The following TAS1R1 variants were observed in gnomAD, a reference collection of about 807,000 sequenced individuals.
TAS1R1 encodes taste 1 receptor member 1, also known as taste receptor type 1 member 1.
In TAS1R1, 31 loss-of-function variants were observed where a neutral mutation model predicts 45.8. The ratio of observed to expected loss-of-function variants is 0.68; its 90% CI spans 0.51 to 0.91. TAS1R1 has a LOEUF of 0.91. TAS1R1 is among the 40% of genes least tolerant of loss of function. The probability of loss-of-function intolerance (pLI) is 0.00; values close to 1 mark genes in which losing one functional copy is unlikely to be tolerated. For missense variants in TAS1R1, 1,051 were observed against 1,063.9 expected (o/e 0.99, Z 0.17); for synonymous variants, 437 against 448.4 (o/e 0.97, Z 0.32).
intron 1 of TAS1R1, among the ~76,000 whole-genome samples, chr1:6,564,644 C>T (rs1639844714): frequency 6.6e-6 from 1 of 152,096 alleles, no homozygotes; most frequent in African/African-American, 2.4e-5. Flanking sequence ...CGCTGAGGGA[C>T]TGATAAACCT....
chr1:6,576,538 A>G lies in TAS1R1; in HGVS notation c.1384A>G (p.Thr462Ala). 2 of 1,614,220 alleles carry G rather than the reference A, an allele frequency of 1.2e-6. 1 individual carries two copies. The highest frequency in any genetic ancestry group is 2.2e-5 in the South Asian group (2 of 91,084). Residue 462 changes from threonine to alanine, a missense_variant, in exon 4 of 6, where the codon ACC becomes GCC. Thr to Ala is a moderately conservative substitution (Grantham distance 58, BLOSUM62 0). Coordinates refer to ENST00000333172, the MANE Select transcript of TAS1R1 (RefSeq NM_138697.4). ...CTGGGACTGGAATGGACCCAAGTGG[A>G]CCTTCACGGTCCTCGGTTCCTCCAC... ...IAWDWNGPKWTFTVLGSSTWS... is the reference protein window; with the variant it reads ...IAWDWNGPKWAFTVLGSSTWS...
intron 1 of TAS1R1, among the ~76,000 whole-genome samples, chr1:6,569,064 A>G (rs1639941622): frequency 7.1e-6 from 1 of 140,772 alleles, no homozygotes; most frequent in Non-Finnish European, 1.5e-5. Flanking sequence ...AGAATGGGTA[A>G]GGGGTAGAGA....
At chr1:6,560,771 A>T (rs1639770134) in intron 1 of TAS1R1, among the ~76,000 whole-genome samples, 1 of 152,166 alleles carries the variant, frequency 6.6e-6, no homozygotes, top group Non-Finnish European at 1.5e-5. Context: ...TCACGAGGTC[A>T]GGAGATCGAG....
chr1:6,573,098 G>A (rs889230704), intron 2 of TAS1R1, among the ~76,000 whole-genome samples: 3 of 152,150 alleles, frequency 2.0e-5, no homozygotes, highest in African/African-American at 7.2e-5. Flanking sequence ...GCTTCCCCCT[G>A]ATTTTAGTCT....
In TAS1R1 at chr1:6,579,059, T is replaced by G; in HGVS notation, c.2001T>G (p.Pro667=). The G allele has an allele frequency of 6.2e-7, 1 of 1,613,338 alleles. No individual in the cohort carries two copies. Among genetic ancestry groups the G allele is most frequent in the Non-Finnish European group, 8.5e-7 (1 of 1,179,316 alleles). The change falls in exon 6 of 6, where the codon CCT becomes CCG. Residue 667 remains proline (P), a synonymous_variant. Coordinates refer to ENST00000333172, the MANE Select transcript of TAS1R1 (RefSeq NM_138697.4). ...TCTTCAAGTTTTCCACCAAGGTACC[T>G]ACATTCTACCACGCCTGGGTCCAAA... ...IIIFKFSTKV[P]TFYHAWVQNH...
At chr1:6,573,701 C>T (rs865959494) in intron 2 of TAS1R1, among the ~76,000 whole-genome samples, 16 of 151,866 alleles carry the variant, frequency 1.1e-4, no homozygotes, top group South Asian at 8.3e-4. Flanking sequence ...TTCGCTCTGT[C>T]GCCCAGGCTG....
intron 1 of TAS1R1, among the ~76,000 whole-genome samples, chr1:6,559,531 C>T (rs961836611): frequency 2.6e-5 from 4 of 151,450 alleles, no homozygotes; most frequent in East Asian, 2.0e-4. Context: ...TGGTGGTAGG[C>T]GCCTGTAATC....
chr1:6,575,919 C>A (rs1640160170), intron 3 of TAS1R1, among the ~76,000 whole-genome samples: 1 of 152,152 alleles, frequency 6.6e-6, no homozygotes, highest in Non-Finnish European at 1.5e-5. Context: ...TGGTCTCAAT[C>A]TCCTGACCTT....
chr1:6,561,005 AGAG>A lies in TAS1R1; in HGVS notation c.191+5443_191+5445del, dbSNP rs1319144011. The stretch of plus-strand genomic sequence containing the variant: ...CTGTCTCAAAAAAAAAAAAAAAAAA[AGAG>A]GGGCGATGTTTATGGAGAAAGGCTG... On this transcript the variant is annotated intron_variant, in intron 1 of 5. Coordinates refer to ENST00000333172, the MANE Select transcript of TAS1R1 (RefSeq NM_138697.4). Among the ~76,000 whole-genome samples, 235 of 147,544 alleles carry A rather than the reference AGAG, an allele frequency of 1.6e-3. 1 individual carries two copies. Among genetic ancestry groups the A allele is most frequent in the African/African-American group, 5.4e-3 (212 of 38,966 alleles).
chr1:6,572,878 A>G (rs1465343505), intron 2 of TAS1R1, among the ~76,000 whole-genome samples: 2 of 152,052 alleles, frequency 1.3e-5, no homozygotes, highest in African/African-American at 4.8e-5. Context: ...CTACACAACA[A>G]AAGCCTCTTT....
intron 1 of TAS1R1, among the ~76,000 whole-genome samples, chr1:6,569,147 G>A (rs1454083641): frequency 1.4e-5 from 2 of 147,158 alleles, no homozygotes; most frequent in East Asian, 4.1e-4. Flanking sequence ...GAACGGGGAC[G>A]TAAGGTGGGG....
chr1:6,578,666 C>T lies in TAS1R1; in HGVS notation c.1608C>T (p.Cys536=). The part of the protein sequence containing the change: ...TFLNKSDLYR[C]QPCGKEEWAP... The stretch of plus-strand genomic sequence containing the variant: ...CTTCCCTTTCAGACCTCTACAGATG[C>T]CAGCCTTGTGGGAAAGAAGAGTGGG... Residue 536 remains cysteine, a synonymous_variant, in exon 6 of 6, where the codon TGC becomes TGT. Transcript: ENST00000333172. The T allele has an allele frequency of 6.3e-7, 1 of 1,581,680 alleles. No homozygotes were observed. The highest frequency in any genetic ancestry group is 2.2e-5 in the East Asian group (1 of 44,562).
chr1:6,576,645 A>G lies in TAS1R1; in HGVS notation c.1473+18A>G. On this transcript the variant is annotated intron_variant, in intron 4 of 5. Transcript: ENST00000333172. ...ACAACCAGGTAATGGGGATGTGGCT[A>G]CTCACCATGTAACTGGCTTATGGGC... The G allele has an allele frequency of 6.2e-7, 1 of 1,609,834 alleles. No homozygotes were observed. The highest frequency in any genetic ancestry group is 8.5e-7 in the Non-Finnish European group (1 of 1,177,294).
intron 5 of TAS1R1, among the ~76,000 whole-genome samples, chr1:6,577,466 C>T (rs1183646187): frequency 6.6e-6 from 1 of 151,068 alleles, no homozygotes; most frequent in Non-Finnish European, 1.5e-5. Flanking sequence ...ACCCAGGAGG[C>T]GGAGGTTGCA....
chr1:6,579,445 G>GGCTGAGCAGCCTGA lies in TAS1R1; in HGVS notation c.2390_2403dup (p.Ser802Ter). On this transcript the variant is annotated frameshift_variant, in exon 6 of 6. Coordinates refer to ENST00000333172, the MANE Select transcript of TAS1R1 (RefSeq NM_138697.4). LOFTEE classifies it high-confidence loss of function. ...CTGCCTGCGGCCAACATGATGGCTG[G>GGCTGAGCAGCCTGA]GCTGAGCAGCCTGAGCAGCGGCTTC... 18 of 1,614,048 alleles carry GGCTGAGCAGCCTGA rather than the reference G, an allele frequency of 1.1e-5. No homozygotes were observed. The highest frequency in any genetic ancestry group is 1.5e-5 in the Non-Finnish European group (18 of 1,180,040).
At chr1:6,572,294 A>C (rs1640039517) in intron 2 of TAS1R1, among the ~76,000 whole-genome samples, 2 of 129,918 alleles carry the variant, frequency 1.5e-5, no homozygotes, top group Admixed American at 8.8e-5. Context: ...TTTGAGACAC[A>C]GTCTCACTCT....
At position 6,576,589 on chromosome 1, in the gene TAS1R1, A is replaced by T. The variant is rs934831253; in HGVS notation, c.1435A>T (p.Asn479Tyr). Residue 479 changes from asparagine to tyrosine, a missense_variant, in exon 4 of 6, where the codon AAT becomes TAT. Coordinates refer to ENST00000333172, the MANE Select transcript of TAS1R1 (RefSeq NM_138697.4). The part of the protein sequence containing the change: ...STWSPVQLNI[N>Y]ETKIQWHGKD... ...ATGGTCTCCAGTTCAGCTAAACATA[A>T]ATGAGACCAAAATCCAGTGGCACGG... 6.2e-7 allele frequency: 1 copy of T among 1,614,062 alleles called. No homozygotes were observed. Among genetic ancestry groups the T allele is most frequent in the Non-Finnish European group, 8.5e-7 (1 of 1,179,916 alleles).
chr1:6,572,317 G>A (rs1316624558), intron 2 of TAS1R1, among the ~76,000 whole-genome samples: 3 of 145,248 alleles, frequency 2.1e-5, no homozygotes, highest in Non-Finnish European at 3.0e-5. Context: ...CACTCAGGCT[G>A]GAGTGCAGTG....
chr1:6,562,229 C>G (rs7412903), intron 1 of TAS1R1, among the ~76,000 whole-genome samples: 2 of 152,116 alleles, frequency 1.3e-5, no homozygotes, highest in Non-Finnish European at 2.9e-5. Flanking sequence ...AGTGTAATGC[C>G]GAGATCCCGG....
Sources: allele counts gnomAD v4.1 joint callset (sites outside exome capture counted in the v4.1 genomes callset), GRCh38; gene constraint gnomAD v4.1.1; transcripts MANE v1.5; gene names NCBI Gene and HGNC (gene_info 2026-07-23, HGNC 2026-07-21).